Variants in GPATCH8 observed in about 807,000 individuals in gnomAD.
GPATCH8 encodes the protein G patch domain-containing protein 8.
Under a neutral mutation model 118.3 loss-of-function variants are expected in GPATCH8, and 18 were observed. That is an observed-to-expected ratio of 0.15 (90% CI 0.11 to 0.23). The LOEUF (loss-of-function observed/expected upper bound fraction) is 0.23. Among genes scored for constraint, GPATCH8 ranks in the 10% least tolerant of loss-of-function variants. The pLI is 1.00. For missense variants in GPATCH8, 1,631 were observed against 1,873.8 expected (o/e 0.87, Z 2.39); for synonymous variants, 659 against 684.7 (o/e 0.96, Z 0.59).
intron 7 of GPATCH8, among the ~76,000 whole-genome samples, chr17:44,402,467 TA>T (rs1178611430): frequency 6.6e-6 from 1 of 152,038 alleles, no homozygotes; most frequent in African/African-American, 2.4e-5. Flanking sequence ...TGTATTCACA[TA>T]GGTTTTATTT....
intron 3 of GPATCH8, among the ~76,000 whole-genome samples, chr17:44,459,624 A>G (rs1052263322): frequency 6.6e-6 from 1 of 152,176 alleles, no homozygotes; most frequent in Non-Finnish European, 1.5e-5. Flanking sequence ...CAATTTTTTA[A>G]TTAAATATTC....
At chr17:44,465,915 T>C (rs1447872604) in intron 2 of GPATCH8, 1 of 152,134 alleles carries the variant, frequency 6.6e-6, no homozygotes, top group Non-Finnish European at 1.5e-5. Flanking sequence ...GAATGCTCTG[T>C]TTGTTTGTTT....
At chr17:44,415,324 T>G (rs1378131713) in intron 6 of GPATCH8, among the ~76,000 whole-genome samples, 2 of 152,210 alleles carry the variant, frequency 1.3e-5, no homozygotes, top group East Asian at 1.9e-4. Flanking sequence ...GTATCCCGTA[T>G]CTGAAATACT....
chr17:44,401,878 C>T (rs76020426), intron 7 of GPATCH8, among the ~76,000 whole-genome samples: 1 of 152,026 alleles, frequency 6.6e-6, no homozygotes, highest in Non-Finnish European at 1.5e-5. Context: ...GTGGCACACA[C>T]CTGTAATCCC....
intron 1 of GPATCH8, among the ~76,000 whole-genome samples, chr17:44,487,761 T>C (rs1766322638): frequency 6.6e-6 from 1 of 152,214 alleles, no homozygotes; most frequent in South Asian, 2.1e-4. Flanking sequence ...GGTGTTCCTG[T>C]CATTGTGATG....
intron 3 of GPATCH8, among the ~76,000 whole-genome samples, chr17:44,450,461 T>G (rs969405714): frequency 6.6e-6 from 1 of 152,174 alleles, no homozygotes. Flanking sequence ...GTCTACATTC[T>G]TTGCTCCCTC....
At chr17:44,447,311 A>ACCATGCCTGGCT (rs1483099144) in intron 3 of GPATCH8, among the ~76,000 whole-genome samples, 1 of 151,404 alleles carries the variant, frequency 6.6e-6, no homozygotes, top group Non-Finnish European at 1.5e-5. Flanking sequence ...GGCACGTGCC[A>ACCATGCCTGGCT]CCATGCCTGG....
intron 3 of GPATCH8, among the ~76,000 whole-genome samples, chr17:44,442,118 T>TAGAG (rs1163331851): frequency 1.4e-5 from 2 of 140,912 alleles, no homozygotes; most frequent in South Asian, 2.2e-4. Flanking sequence ...CATATATATA[T>TAGAG]ATATAGAGAG....
At position 44,423,130 on chromosome 17, in the gene GPATCH8, A is replaced by G. The variant is rs2049973962; in HGVS notation, c.492+1219T>C. Among the ~76,000 whole-genome samples the G allele has an allele frequency of 1.3e-5, 2 of 152,026 alleles. 1 individual carries two copies. The highest frequency in any genetic ancestry group is 4.1e-4 in the South Asian group (2 of 4,824). On this transcript the variant is annotated intron_variant, in intron 6 of 7. Coordinates refer to ENST00000591680, the MANE Select transcript of GPATCH8 (RefSeq NM_001002909.4). ...GTGGCAGGCACCTGTAATCCCAGCT[A>G]CTCAGGAGGCTGAGGCAGGAGAATC...
intron 1 of GPATCH8, among the ~76,000 whole-genome samples, chr17:44,497,939 CA>C (rs530336130): frequency 1.2e-4 from 16 of 134,150 alleles, no homozygotes; most frequent in Admixed American, 1.5e-4. Context: ...ACACTGTCTC[CA>C]AAAAAAAAAG....
At chr17:44,471,302 G>A (rs1470667465) in intron 2 of GPATCH8, among the ~76,000 whole-genome samples, 1 of 152,074 alleles carries the variant, frequency 6.6e-6, no homozygotes, top group Non-Finnish European at 1.5e-5. Context: ...CTAAGCTTCG[G>A]AAGTTCACTA....
intron 1 of GPATCH8, among the ~76,000 whole-genome samples, chr17:44,497,922 G>A (rs928498377): frequency 6.6e-6 from 1 of 151,256 alleles, no homozygotes; most frequent in Non-Finnish European, 1.5e-5. Flanking sequence ...CTGGACAAAA[G>A]AGCCAGACAC....
chr17:44,417,496 G>A (rs1378057540), intron 6 of GPATCH8, among the ~76,000 whole-genome samples: 2 of 152,146 alleles, frequency 1.3e-5, no homozygotes, highest in Admixed American at 1.3e-4. Flanking sequence ...TGGGATTACA[G>A]GTATGAGCCA....
At chr17:44,403,169 G>C (rs552911454) in intron 7 of GPATCH8, among the ~76,000 whole-genome samples, 3 of 152,042 alleles carry the variant, frequency 2.0e-5, no homozygotes, top group Non-Finnish European at 1.5e-5. Flanking sequence ...TCTACCTCCC[G>C]GGTTCAAGTG....
rs895478212 is a variant in GPATCH8 at position 44,449,531 on chromosome 17, C to A, written c.194-12986G>T. Among the ~76,000 whole-genome samples the A allele has an allele frequency of 3.0e-3, 382 of 125,954 alleles. 2 individuals carry two copies. Among genetic ancestry groups the A allele is most frequent in the African/African-American group, 0.011 (367 of 33,634 alleles). The allele number at this position is 125,954 out of a possible 152,430, so 82.6% of individuals were successfully genotyped here. On this transcript the variant is annotated intron_variant, in intron 3 of 7. Transcript: ENST00000591680. ...GAATCTACTTTTTTTTTTTTTTTTT[C>A]CTGAGACAGAGTTTCACTCTTGTTG...
chr17:44,496,870 C>T (rs939160272), intron 1 of GPATCH8, among the ~76,000 whole-genome samples: 4 of 152,140 alleles, frequency 2.6e-5, no homozygotes, highest in South Asian at 2.1e-4. Context: ...TTGACTAATA[C>T]GATATGCATT....
At position 44,419,379 on chromosome 17, in the gene GPATCH8, G is replaced by A. The variant is rs561800602; in HGVS notation, c.492+4970C>T. 1.4e-4 allele frequency among the ~76,000 whole-genome samples: 22 copies of A among 152,316 alleles called. No individual in the cohort carries two copies. In the South Asian group the frequency reaches 4.4e-3, roughly 30 times the overall value. Reference sequence around the variant, plus strand: ...ATTTGGAAAAATGGTAGGTCCATTTGTATGTTAAGTTCATGTCCATCAAAG... The same window carrying A: ...ATTTGGAAAAATGGTAGGTCCATTTATATGTTAAGTTCATGTCCATCAAAG... On this transcript the variant is annotated intron_variant, in intron 6 of 7. Coordinates refer to ENST00000591680, the MANE Select transcript of GPATCH8 (RefSeq NM_001002909.4).
chr17:44,464,433 G>A, intron 3 of GPATCH8, 39 bp downstream of exon 3: 1 of 1,142,196 alleles, frequency 8.8e-7, no homozygotes, highest in Admixed American at 1.7e-5. Context: ...CATCAGAAAT[G>A]GTTTTCTTCC....
At chr17:44,409,547 T>C (rs1239738796) in intron 6 of GPATCH8, among the ~76,000 whole-genome samples, 1 of 152,220 alleles carries the variant, frequency 6.6e-6, no homozygotes, top group Non-Finnish European at 1.5e-5. Flanking sequence ...GCAGCTATCG[T>C]ACTTTGTTCT....
Sources: allele counts gnomAD v4.1 joint callset (sites outside exome capture counted in the v4.1 genomes callset), GRCh38; gene constraint gnomAD v4.1.1; transcripts MANE v1.5; gene names NCBI Gene and HGNC (gene_info 2026-07-23, HGNC 2026-07-21).